The following NKAIN3 variants were observed in gnomAD, a reference collection of about 807,000 sequenced individuals.
NKAIN3 encodes the protein sodium/potassium-transporting ATPase subunit beta-1-interacting protein 3.
A neutral mutation model predicts 30.2 loss-of-function variants in NKAIN3; 25 were observed. That is an observed-to-expected ratio of 0.83 (90% confidence interval 0.60 to 1.16). The LOEUF is 1.16. Among genes scored for constraint, NKAIN3 ranks in the 50% most tolerant of loss-of-function variants. NKAIN3 has a pLI of 0.00. For missense variants in NKAIN3, 225 were observed against 254.1 expected (o/e 0.89, Z 0.78); for synonymous variants, 91 against 89.6 (o/e 1.02, Z -0.09).
chr8:62,638,432 G>A (rs1812202485), intron 3 of NKAIN3, among the ~76,000 whole-genome samples: 2 of 152,090 alleles, frequency 1.3e-5, no homozygotes, highest in Non-Finnish European at 2.9e-5. Context: ...GGCAAACAAA[G>A]CTAGAGACAG....
intron 1 of NKAIN3, among the ~76,000 whole-genome samples, chr8:62,438,203 G>T (rs1464266655): frequency 6.6e-6 from 1 of 152,106 alleles, no homozygotes; most frequent in Non-Finnish European, 1.5e-5. Flanking sequence ...CTTCCTATCA[G>T]CCTCTTGTCT....
rs77832692 is a variant in NKAIN3 at position 62,969,265 on chromosome 8, C to G, written c.*3858C>G. Among the ~76,000 whole-genome samples the G allele has an allele frequency of 6.0e-4, 92 of 152,310 alleles. No homozygotes were observed. Among genetic ancestry groups the G allele is most frequent in the Middle Eastern group, 3.4e-3 (1 of 294 alleles). The stretch of plus-strand genomic sequence containing the variant: ...CTGGCTCTAACAAAATATACCAAGG[C>G]TGTCATCTGTCTCACTTAATGAATG... On this transcript the variant is annotated 3_prime_UTR_variant, in exon 7 of 7. Coordinates refer to ENST00000623646, the MANE Select transcript of NKAIN3 (RefSeq NM_001304533.3).
intron 4 of NKAIN3, among the ~76,000 whole-genome samples, chr8:62,887,068 A>G (rs908948309): frequency 1.3e-5 from 2 of 152,090 alleles, no homozygotes; most frequent in South Asian, 4.1e-4. Flanking sequence ...TCTATTATTG[A>G]TGGACATTTG....
At chr8:62,452,134 A>T (rs1202017583) in intron 1 of NKAIN3, among the ~76,000 whole-genome samples, 1 of 152,152 alleles carries the variant, frequency 6.6e-6, no homozygotes, top group Non-Finnish European at 1.5e-5. Flanking sequence ...ACAATATGCT[A>T]CTTCAATTTA....
chr8:62,894,569 G>T (rs190506028), intron 4 of NKAIN3, among the ~76,000 whole-genome samples: 10 of 152,100 alleles, frequency 6.6e-5, no homozygotes, highest in African/African-American at 1.9e-4. Flanking sequence ...TTTCCTCCCA[G>T]CCTTTAAACC....
intron 4 of NKAIN3, among the ~76,000 whole-genome samples, chr8:62,805,183 T>C (rs1000090169): frequency 8.6e-5 from 13 of 151,966 alleles, no homozygotes; most frequent in African/African-American, 3.1e-4. Flanking sequence ...CATTCCATGC[T>C]CATGGGTAGG....
intron 1 of NKAIN3, among the ~76,000 whole-genome samples, chr8:62,530,622 T>G (rs1160607352): frequency 4.6e-5 from 7 of 152,098 alleles, no homozygotes; most frequent in African/African-American, 7.2e-5. Flanking sequence ...ATGTATGTAT[T>G]TATTTATTAT....
At chr8:62,617,078 C>CT (rs995141223) in intron 3 of NKAIN3, among the ~76,000 whole-genome samples, 2 of 108,902 alleles carry the variant, frequency 1.8e-5, no homozygotes, top group East Asian at 3.6e-4. Context: ...GATGCACCTG[C>CT]TCCACTTTTC....
intron 5 of NKAIN3, among the ~76,000 whole-genome samples, chr8:62,939,939 A>G (rs1384148531): frequency 1.3e-5 from 2 of 152,174 alleles, no homozygotes; most frequent in African/African-American, 2.4e-5. Context: ...AATGGCTTGA[A>G]TGCTCCACTT....
chr8:62,440,154 T>A (rs16928922), intron 1 of NKAIN3, among the ~76,000 whole-genome samples: 20,997 of 152,118 alleles, frequency 0.14, 1,749 homozygotes, highest in East Asian at 0.4. Flanking sequence ...ACCTCTAACA[T>A]TGATTTGTCA....
intron 4 of NKAIN3, among the ~76,000 whole-genome samples, chr8:62,766,448 T>C (rs1024162999): frequency 6.6e-6 from 1 of 152,214 alleles, no homozygotes; most frequent in Admixed American, 6.5e-5. Context: ...GATTCTCTGA[T>C]AAAGATTAAC....
intron 1 of NKAIN3, among the ~76,000 whole-genome samples, chr8:62,456,688 C>A (rs917648876): frequency 3.3e-5 from 5 of 152,162 alleles, no homozygotes; most frequent in African/African-American, 1.2e-4. Flanking sequence ...AGATACAGGA[C>A]CCAGCTGTTG....
chr8:62,700,812 GT>G (rs2130467196), intron 3 of NKAIN3, among the ~76,000 whole-genome samples: 1 of 152,254 alleles, frequency 6.6e-6, no homozygotes, highest in African/African-American at 2.4e-5. Flanking sequence ...TAGACCTTTT[GT>G]TTTATGCAAA....
intron 4 of NKAIN3, chr8:62,855,427 C>T: frequency 9.3e-7 from 1 of 1,075,122 alleles, no homozygotes; most frequent in Non-Finnish European, 1.4e-6. Flanking sequence ...CCTTCAGCTC[C>T]TCTTCTGAAT....
intron 5 of NKAIN3, among the ~76,000 whole-genome samples, chr8:62,998,234 C>CT (rs1430202599): frequency 6.6e-5 from 10 of 151,992 alleles, no homozygotes; most frequent in African/African-American, 2.2e-4. Flanking sequence ...AAAGCAAAAG[C>CT]TAAGTGTAGT....
chr8:62,604,989 T>A (rs1292508862), intron 3 of NKAIN3, among the ~76,000 whole-genome samples: 1 of 152,114 alleles, frequency 6.6e-6, no homozygotes, highest in East Asian at 1.9e-4. Context: ...AAGCTCTATT[T>A]CTTTGTCTCT....
At chr8:62,659,495 C>CGTT (rs1812873007) in intron 3 of NKAIN3, among the ~76,000 whole-genome samples, 2 of 152,200 alleles carry the variant, frequency 1.3e-5, no homozygotes, top group Non-Finnish European at 2.9e-5. Flanking sequence ...CTGACTATGC[C>CGTT]ATTAATGTGA....
chr8:62,933,983 G>C (rs1822703316), intron 5 of NKAIN3, among the ~76,000 whole-genome samples: 1 of 152,176 alleles, frequency 6.6e-6, no homozygotes, highest in Non-Finnish European at 1.5e-5. Flanking sequence ...TCTTGACAAA[G>C]ATTAAGGAAT....
At chr8:62,719,066 A>T (rs1390533466) in intron 3 of NKAIN3, among the ~76,000 whole-genome samples, 1 of 152,198 alleles carries the variant, frequency 6.6e-6, no homozygotes, top group Non-Finnish European at 1.5e-5. Context: ...AGTAATAAGG[A>T]GACATATTGT....
Sources: allele counts gnomAD v4.1 joint callset (sites outside exome capture counted in the v4.1 genomes callset), GRCh38; gene constraint gnomAD v4.1.1; transcripts MANE v1.5; gene names NCBI Gene and HGNC (gene_info 2026-07-23, HGNC 2026-07-21).